The following COMMD1 variants were observed in gnomAD, a reference collection of about 807,000 sequenced individuals.
COMMD1 encodes copper metabolism domain containing 1.
In COMMD1, 10 loss-of-function variants were observed where a neutral mutation model predicts 17.2. That is an observed-to-expected ratio of 0.58 (90% CI 0.36 to 0.99). The LOEUF is 0.99. Among genes scored for constraint, COMMD1 ranks in the 50% least tolerant of loss-of-function variants. COMMD1 has a pLI of 0.01. For synonymous variants in COMMD1, 97 were observed against 91.6 expected (o/e 1.06, Z -0.34); for missense variants, 270 against 231.8 (o/e 1.17, Z -1.07).
intron 1 of COMMD1, among the ~76,000 whole-genome samples, chr2:61,919,116 A>G (rs959641265): frequency 6.6e-6 from 1 of 151,846 alleles, no homozygotes; most frequent in Admixed American, 6.6e-5. Flanking sequence ...GGTTTAAGCG[A>G]TTCTCCTGCC....
intron 1 of COMMD1, among the ~76,000 whole-genome samples, chr2:61,935,598 C>T (rs1366696367): frequency 1.3e-5 from 2 of 151,834 alleles, no homozygotes; most frequent in Non-Finnish European, 1.5e-5. Context: ...CACTGCTACA[C>T]TTCAGCCTGG....
intron 1 of COMMD1, among the ~76,000 whole-genome samples, chr2:61,930,667 T>TGAG (rs1670443411): frequency 7.4e-6 from 1 of 134,324 alleles, no homozygotes; most frequent in Non-Finnish European, 1.6e-5. Context: ...GAGTGAGTGT[T>TGAG]TGAGCTCACC....
chr2:62,066,712 C>A (rs551275341), intron 2 of COMMD1, among the ~76,000 whole-genome samples: 72 of 141,432 alleles, frequency 5.1e-4, no homozygotes, highest in Non-Finnish European at 8.7e-4. Context: ...AAAGCAAGAT[C>A]AAATGTATAT....
chr2:62,031,787 C>G (rs1669913747), intron 2 of COMMD1, among the ~76,000 whole-genome samples: 2 of 152,190 alleles, frequency 1.3e-5, no homozygotes, highest in Admixed American at 6.5e-5. Context: ...GGAATTTGAT[C>G]TCTAACGAAT....
intron 2 of COMMD1, among the ~76,000 whole-genome samples, chr2:62,093,234 C>T (rs1671890612): frequency 6.6e-6 from 1 of 152,190 alleles, no homozygotes; most frequent in African/African-American, 2.4e-5. Flanking sequence ...TGGATAAACT[C>T]CAACTGCCAT....
intron 2 of COMMD1, among the ~76,000 whole-genome samples, chr2:62,056,686 C>A (rs551460197): frequency 6.6e-6 from 1 of 152,336 alleles, no homozygotes; most frequent in Non-Finnish European, 1.5e-5. Flanking sequence ...CCAGCTGGTG[C>A]ATGATCACCA....
chr2:62,123,614 T>A (rs1450485190), intron 2 of COMMD1, among the ~76,000 whole-genome samples: 2 of 151,660 alleles, frequency 1.3e-5, no homozygotes, highest in East Asian at 3.8e-4. Context: ...CAAATCTGAA[T>A]AACTGAAAAT....
intron 2 of COMMD1, among the ~76,000 whole-genome samples, chr2:62,060,888 T>C (rs1037485162): frequency 2.6e-5 from 4 of 152,168 alleles, no homozygotes; most frequent in African/African-American, 9.7e-5. Flanking sequence ...TCTCAGGCTC[T>C]GTTTTTTTCC....
chr2:61,953,689 C>T (rs1241344926), intron 1 of COMMD1, among the ~76,000 whole-genome samples: 1 of 151,994 alleles, frequency 6.6e-6, no homozygotes, highest in Admixed American at 6.6e-5. Flanking sequence ...TTTCTTTGAG[C>T]TATTTAGAAT....
At chr2:61,928,649 A>G (rs996828277) in intron 1 of COMMD1, 3 of 152,186 alleles carry the variant, frequency 2.0e-5, no homozygotes, top group Non-Finnish European at 4.4e-5. Flanking sequence ...AGCAGTGGGA[A>G]TGGAGAAGGA....
intron 1 of COMMD1, among the ~76,000 whole-genome samples, chr2:61,907,857 A>G (rs953701108): frequency 6.6e-6 from 1 of 151,788 alleles, no homozygotes. Context: ...CGCCTGACTA[A>G]TTTTTTTATT....
Position 61,975,118 on chromosome 2 carries a change from C to CTTTTTTTTTT in COMMD1, c.181-25570_181-25561dup. ...TCATGGCTCGATAGCTCATTTCTTT[C>CTTTTTTTTTT]TTTTTTTTTTTTTTTTTTTTTTGTA... is the stretch of plus-strand genomic sequence containing the variant. On this transcript the variant is annotated intron_variant, in intron 1 of 2. Transcript: ENST00000311832. Among the ~76,000 whole-genome samples the CTTTTTTTTTT allele has an allele frequency of 5.0e-3, 403 of 80,122 alleles. 1 individual carries two copies. The highest frequency in any genetic ancestry group is 6.6e-3 in the Non-Finnish European group (282 of 42,502). 52.6% of individuals were successfully genotyped at this position (80,122 alleles called of 152,430 possible).
intron 2 of COMMD1, among the ~76,000 whole-genome samples, chr2:62,075,240 CAG>C (rs1346197369): frequency 1.3e-5 from 2 of 152,012 alleles, no homozygotes; most frequent in Non-Finnish European, 2.9e-5. Flanking sequence ...TTCAAAAAAA[CAG>C]AATTCATATT....
At chr2:62,016,338 A>G in intron 2 of COMMD1, among the ~76,000 whole-genome samples, 1 of 150,332 alleles carries the variant, frequency 6.7e-6, no homozygotes. Flanking sequence ...CCACCTGAGT[A>G]GCTGGGACTA....
At chr2:62,108,387 G>GA (rs1157371444) in intron 2 of COMMD1, among the ~76,000 whole-genome samples, 8 of 150,182 alleles carry the variant, frequency 5.3e-5, no homozygotes, top group Admixed American at 3.3e-4. Flanking sequence ...GGACTTCATA[G>GA]AAAAAAAAAT....
chr2:61,896,143 A>G (rs1669544239), intron 1 of COMMD1, among the ~76,000 whole-genome samples: 1 of 152,256 alleles, frequency 6.6e-6, no homozygotes, highest in Non-Finnish European at 1.5e-5. Context: ...GGTAAACATG[A>G]CACCATCAAA....
chr2:62,097,076 A>G (rs1275479254), intron 2 of COMMD1, among the ~76,000 whole-genome samples: 1 of 152,208 alleles, frequency 6.6e-6, no homozygotes, highest in Non-Finnish European at 1.5e-5. Flanking sequence ...TAAATCAGTA[A>G]CAGAGAAGTG....
At chr2:61,901,015 C>T (rs191092909), upstream of COMMD1, among the ~76,000 whole-genome samples, 30 of 152,160 alleles carry the variant, frequency 2.0e-4, no homozygotes, top group Non-Finnish European at 3.4e-4. Context: ...GGCGTGATCT[C>T]GGCTCACTGC....
At chr2:61,904,992 G>C (rs944760987), upstream of COMMD1, among the ~76,000 whole-genome samples, 2 of 152,066 alleles carry the variant, frequency 1.3e-5, no homozygotes, top group Non-Finnish European at 2.9e-5. Flanking sequence ...TCTCATTCAC[G>C]TTGTAGCATG....
Sources: allele counts gnomAD v4.1 joint callset (sites outside exome capture counted in the v4.1 genomes callset), GRCh38; gene constraint gnomAD v4.1.1; transcripts MANE v1.5; gene names NCBI Gene and HGNC (gene_info 2026-07-23, HGNC 2026-07-21).